The following RHBDD1 variants were observed in gnomAD, a reference collection of about 807,000 sequenced individuals.
RHBDD1 encodes the protein rhomboid-related protein 4.
RHBDD1 carries 38 observed loss-of-function variants against 36.3 expected under a neutral mutation model. The observed-to-expected ratio is 1.05, with a 90% CI of 0.81 to 1.37. The LOEUF (loss-of-function observed/expected upper bound fraction) is 1.37, where lower values mean the gene tolerates loss of function less well. Ranked by LOEUF, RHBDD1 falls within the 40% of genes most tolerant of loss-of-function variation. The probability of loss-of-function intolerance (pLI) is 0.00; values close to 1 mark genes in which losing one functional copy is unlikely to be tolerated. For missense variants in RHBDD1, 393 were observed against 377.6 expected, an observed-to-expected ratio of 1.04 and a Z score of -0.34; for synonymous variants, 151 against 136.5, an observed-to-expected ratio of 1.11 and a Z score of -0.74.
rs1040251351 is a variant in RHBDD1 at position 226,908,840 on chromosome 2, T to G, written c.674T>G (p.Val225Gly). 6.2e-7 allele frequency: 1 copy of G among 1,608,468 alleles called. No individual in the cohort carries two copies. Among genetic ancestry groups the G allele is most frequent in the African/African-American group, 1.3e-5 (1 of 74,948 alleles). The part of the protein sequence containing the change: ...EACAGGFSSS[V>G]GYPGRQYYFN... ...CGTTTAGGCGGTTTTTCCTCCAGTGTTGGTTACCCAGGACGGCAATACTAC... is the reference window on the plus strand; with the variant it reads ...CGTTTAGGCGGTTTTTCCTCCAGTGGTGGTTACCCAGGACGGCAATACTAC... The change falls in exon 7 of 9, where the codon GTT becomes GGT. Residue 225 changes from valine to glycine, a missense_variant. Val to Gly is a moderately radical substitution (Grantham distance 109). Coordinates refer to ENST00000392062, the MANE Select transcript of RHBDD1 (RefSeq NM_001167608.3).
At chr2:226,840,399 C>T (rs755125719) in intron 3 of RHBDD1, among the ~76,000 whole-genome samples, 1 of 152,116 alleles carries the variant, frequency 6.6e-6, no homozygotes, top group Non-Finnish European at 1.5e-5. Flanking sequence ...GTTACATGCA[C>T]CTCATAATTA....
chr2:226,926,994 G>A (rs1000127845), intron 8 of RHBDD1, among the ~76,000 whole-genome samples: 8 of 152,010 alleles, frequency 5.3e-5, no homozygotes, highest in African/African-American at 1.9e-4. Context: ...TCCGTGTGGT[G>A]TACACTTATG....
At chr2:226,859,492 G>A (rs1242162916) in intron 3 of RHBDD1, among the ~76,000 whole-genome samples, 1 of 152,174 alleles carries the variant, frequency 6.6e-6, no homozygotes, top group Non-Finnish European at 1.5e-5. Flanking sequence ...ATCTGTTGGA[G>A]GTCCTGGAAC....
In RHBDD1 at chr2:226,914,295, G is replaced by A; in HGVS notation, c.800G>A (p.Gly267Glu). 1 of 1,613,796 alleles carries A rather than the reference G, an allele frequency of 6.2e-7. No individual in the cohort carries two copies. The highest frequency in any genetic ancestry group is 2.2e-5 in the East Asian group (1 of 44,852). ...APRNYDTYTA[G>E]LSEEEQLERA... ...AGGAACTATGACACGTACACAGCAGGACTGAGTGAAGAAGAACAGCTCGAG... is the reference window on the plus strand; with the variant it reads ...AGGAACTATGACACGTACACAGCAGAACTGAGTGAAGAAGAACAGCTCGAG... Residue 267 changes from glycine (G) to glutamate (E), a missense_variant, in exon 8 of 9, where the codon GGA (glycine) becomes GAA (glutamate). Transcript: ENST00000392062.
intron 8 of RHBDD1, among the ~76,000 whole-genome samples, chr2:226,925,343 G>C (rs951177022): frequency 1.3e-5 from 2 of 152,124 alleles, no homozygotes; most frequent in Non-Finnish European, 2.9e-5. Context: ...GCACAACAAT[G>C]TGTGCAAGGG....
chr2:226,898,075 CATTAATCT>C (rs1947272368), intron 5 of RHBDD1, among the ~76,000 whole-genome samples: 1 of 152,204 alleles, frequency 6.6e-6, no homozygotes, highest in African/African-American at 2.4e-5. Flanking sequence ...CAAGGGAGGA[CATTAATCT>C]ATTCATGAGA....
intron 3 of RHBDD1, 64 bp from the exon 4 acceptor site, chr2:226,864,540 G>T: frequency 1.6e-6 from 1 of 643,172 alleles, no homozygotes; most frequent in Admixed American, 2.8e-5. Flanking sequence ...GTCTTGAAGC[G>T]AGTATGTCTT....
the RHBDD1 span, among the ~76,000 whole-genome samples, chr2:226,805,276 C>A: frequency 4.6e-5 from 7 of 152,060 alleles, no homozygotes; most frequent in Admixed American, 2.0e-4. Context: ...GCAGTGGCGC[C>A]GTCTCGGCTC....
chr2:226,814,137 T>C, the RHBDD1 span, among the ~76,000 whole-genome samples: 1 of 152,116 alleles, frequency 6.6e-6, no homozygotes, highest in Admixed American at 6.6e-5. Context: ...TGGAGAAAAG[T>C]CATGAAGGAA....
intron 5 of RHBDD1, 65 bp downstream of exon 5, chr2:226,867,383 A>T: frequency 6.6e-7 from 1 of 1,518,682 alleles, no homozygotes; most frequent in Non-Finnish European, 8.9e-7. Context: ...AAAAATTGCA[A>T]TAATAATGAG....
the RHBDD1 span, among the ~76,000 whole-genome samples, chr2:226,822,102 G>C: frequency 6.6e-6 from 1 of 152,010 alleles, no homozygotes; most frequent in Non-Finnish European, 1.5e-5. Flanking sequence ...AAAGGCATTA[G>C]GGAAAAAAAG....
At chr2:226,927,576 A>G (rs1949749664) in intron 8 of RHBDD1, among the ~76,000 whole-genome samples, 1 of 151,982 alleles carries the variant, frequency 6.6e-6, no homozygotes, top group South Asian at 2.1e-4. Context: ...TGTTTGTACC[A>G]GTTTTCGTTC....
At chr2:226,931,594 A>G (rs1195539745) in intron 8 of RHBDD1, among the ~76,000 whole-genome samples, 3 of 152,118 alleles carry the variant, frequency 2.0e-5, no homozygotes, top group African/African-American at 7.2e-5. Context: ...CTTCACCACT[A>G]TACAATTCAT....
chr2:226,865,808 A>G (rs1172482756), intron 4 of RHBDD1, among the ~76,000 whole-genome samples: 1 of 152,168 alleles, frequency 6.6e-6, no homozygotes, highest in Non-Finnish European at 1.5e-5. Context: ...CTTTTATCTC[A>G]GGGTGTTGGA....
At chr2:226,836,110 TC>T (rs1353601513) in intron 1 of RHBDD1, 23 bp downstream of exon 1, 1 of 152,818 alleles carries the variant, frequency 6.5e-6, no homozygotes, top group Non-Finnish European at 1.5e-5. Flanking sequence ...GTCTGTTTGG[TC>T]CGGCTGCTGT....
intron 2 of RHBDD1, among the ~76,000 whole-genome samples, chr2:226,838,374 T>C (rs1941228864): frequency 6.6e-6 from 1 of 152,208 alleles, no homozygotes; most frequent in Admixed American, 6.5e-5. Flanking sequence ...TTTTTTGTTC[T>C]CCTCATCGGA....
intron 8 of RHBDD1, among the ~76,000 whole-genome samples, chr2:226,915,098 A>G (rs935478151): frequency 1.3e-5 from 2 of 152,120 alleles, no homozygotes; most frequent in Non-Finnish European, 2.9e-5. Flanking sequence ...GTTTGGGCAT[A>G]TGCCTACTAG....
chr2:226,874,917 T>C lies in RHBDD1; in HGVS notation c.566+7599T>C, dbSNP rs540835135. Among the ~76,000 whole-genome samples, 4 of 152,288 alleles carry C rather than the reference T, an allele frequency of 2.6e-5. No individual in the cohort carries two copies. In the South Asian group the frequency reaches 8.3e-4, roughly 32 times the overall value. On this transcript the variant is annotated intron_variant, in intron 5 of 8. Transcript: ENST00000392062. ...TCCCTCTCCCTGGCATGCCTTTTAT[T>C]GTCTCCTTGTGAATTCCTGGTTATT...
At chr2:226,936,969 A>T (rs1950371145) in intron 8 of RHBDD1, among the ~76,000 whole-genome samples, 1 of 152,130 alleles carries the variant, frequency 6.6e-6, no homozygotes, top group African/African-American at 2.4e-5. Flanking sequence ...TCAATATGTG[A>T]CATTCTCTAC....
Sources: allele counts gnomAD v4.1 joint callset (sites outside exome capture counted in the v4.1 genomes callset), GRCh38; gene constraint gnomAD v4.1.1; transcripts MANE v1.5; gene names NCBI Gene and HGNC (gene_info 2026-07-23, HGNC 2026-07-21).